Variants in TENM3 observed in about 807,000 individuals in gnomAD.
TENM3 encodes teneurin-3.
A neutral mutation model predicts 255.1 loss-of-function variants in TENM3; 63 were observed. The ratio of observed to expected loss-of-function variants is 0.25; its 90% CI spans 0.20 to 0.30. The LOEUF (loss-of-function observed/expected upper bound fraction) is 0.30, where lower values mean the gene tolerates loss of function less well. TENM3 is among the 10% of genes least tolerant of loss of function. The probability of loss-of-function intolerance (pLI) is 1.00; values close to 1 mark genes in which losing one functional copy is unlikely to be tolerated. For synonymous variants in TENM3, 1,306 were observed against 1,322.3 expected (o/e 0.99, Z 0.27); for missense variants, 2,929 against 3,461.1 (o/e 0.85, Z 3.86).
chr4:181,764,698 C>CT, the TENM3 span, among the ~76,000 whole-genome samples: 1 of 151,994 alleles, frequency 6.6e-6, no homozygotes, highest in Non-Finnish European at 1.5e-5. Context: ...TTGTTGTTTG[C>CT]TTTTTTTGTT....
chr4:182,314,528 C>T (rs1001940210), intron 1 of TENM3, among the ~76,000 whole-genome samples: 1 of 152,208 alleles, frequency 6.6e-6, no homozygotes, highest in African/African-American at 2.4e-5. Flanking sequence ...CTGGTCTTGT[C>T]TTGCTTTTTC....
chr4:182,763,439 T>C (rs891275918), intron 22 of TENM3, among the ~76,000 whole-genome samples: 8 of 151,742 alleles, frequency 5.3e-5, no homozygotes, highest in African/African-American at 1.7e-4. Context: ...GTGGCGGGCA[T>C]CTGTAGTCCC....
At chr4:182,463,715 C>T (rs1732298870) in intron 3 of TENM3, among the ~76,000 whole-genome samples, 1 of 151,948 alleles carries the variant, frequency 6.6e-6, no homozygotes. Context: ...CCTCGGCCTC[C>T]TGGGTTCAAG....
the TENM3 span, among the ~76,000 whole-genome samples, chr4:181,556,050 T>C: frequency 7.2e-3 from 1,095 of 152,370 alleles, 7 homozygotes; most frequent in African/African-American, 0.025. Context: ...ATGTGTTTAC[T>C]ATTACCTTAG....
the TENM3 span, among the ~76,000 whole-genome samples, chr4:181,782,544 A>C: frequency 6.6e-6 from 1 of 151,840 alleles, no homozygotes; most frequent in African/African-American, 2.4e-5. Flanking sequence ...CAGTCTATCA[A>C]TTGTGTTGAT....
chr4:182,100,839 ACT>A, the TENM3 span, among the ~76,000 whole-genome samples: 14 of 10,896 alleles, frequency 1.3e-3, 4 homozygotes, highest in South Asian at 4.7e-3. Context: ...ATATATATAT[ACT>A]CATATATATA....
At chr4:181,469,337 TATA>T in the TENM3 span, among the ~76,000 whole-genome samples, 1 of 152,200 alleles carries the variant, frequency 6.6e-6, no homozygotes, top group Non-Finnish European at 1.5e-5. Context: ...CCTCCATATA[TATA>T]ATATGAATTG....
At chr4:181,888,618 G>GTGGA in the TENM3 span, among the ~76,000 whole-genome samples, 69 of 111,794 alleles carry the variant, frequency 6.2e-4, 3 homozygotes, top group East Asian at 8.4e-3. Context: ...GTGTGTGTGT[G>GTGGA]GAAAGAGAGA....
At chr4:181,678,712 T>C in the TENM3 span, among the ~76,000 whole-genome samples, 2 of 151,714 alleles carry the variant, frequency 1.3e-5, no homozygotes, top group Admixed American at 1.3e-4. Flanking sequence ...TAGGTTGTTC[T>C]ATATATATAT....
rs1454923669 is a variant in TENM3, at chr4:182,720,811, A to G, written c.2368+6578A>G. Among the ~76,000 whole-genome samples, 3 of 131,904 alleles carry G rather than the reference A, an allele frequency of 2.3e-5. 1 individual carries two copies. The highest frequency in any genetic ancestry group is 0.012 in the Middle Eastern group (2 of 168). The allele number at this position is 131,904 out of a possible 152,430, so 86.5% of individuals were successfully genotyped here. On this transcript the variant is annotated intron_variant, in intron 13 of 27. Transcript: ENST00000511685. The stretch of plus-strand genomic sequence containing the variant: ...AGACAGAGTCTTGCTCTTGTTGCCC[A>G]GGCTGGAGTGCAATAGCATAGTCTT...
At chr4:181,828,182 C>T in the TENM3 span, among the ~76,000 whole-genome samples, 1 of 152,170 alleles carries the variant, frequency 6.6e-6, no homozygotes, top group Non-Finnish European at 1.5e-5. Flanking sequence ...AGCCAAGCTG[C>T]CCCTGCCACG....
Position 182,673,071 on chromosome 4 carries a change from G to A in TENM3, c.1178G>A (p.Arg393Lys). The A allele has an allele frequency of 6.2e-7, 1 of 1,611,412 alleles. No individual in the cohort carries two copies. Among genetic ancestry groups the A allele is most frequent in the South Asian group, 1.1e-5 (1 of 90,504 alleles). ...IDSGELDIGR[R>K]AIQEIPPGIF... ...TCCGGAGAACTTGATATTGGCCGAA[G>A]AGCAATTCAAGAGATTCCTCCCGGG... The change falls in exon 7 of 28, where the codon AGA (arginine) becomes AAA (lysine). Residue 393 changes from arginine (R) to lysine (K), a missense_variant. Physicochemically the swap from Arg to Lys is conservative, Grantham distance 26. This residue lies in a region of TENM3 where 1,608 missense variants were observed against 1,884.4 expected (regional missense o/e 0.85). Coordinates refer to ENST00000511685, the MANE Select transcript of TENM3 (RefSeq NM_001080477.4).
the TENM3 span, among the ~76,000 whole-genome samples, chr4:182,026,575 T>G: frequency 1.5e-3 from 229 of 152,300 alleles, 2 homozygotes; most frequent in Admixed American, 0.013. Flanking sequence ...TGTTTTCCTG[T>G]AGTAGTTTCA....
chr4:181,915,270 T>C, the TENM3 span, among the ~76,000 whole-genome samples: 1 of 152,188 alleles, frequency 6.6e-6, no homozygotes, highest in Non-Finnish European at 1.5e-5. Context: ...GCTACTGTTA[T>C]GTTTTAGAGT....
At chr4:182,678,020 A>G (rs1015457834) in intron 7 of TENM3, among the ~76,000 whole-genome samples, 3 of 152,016 alleles carry the variant, frequency 2.0e-5, no homozygotes, top group African/African-American at 4.8e-5. Context: ...TATGATTTAT[A>G]TATGCAGTAG....
intron 3 of TENM3, among the ~76,000 whole-genome samples, chr4:182,460,696 A>C (rs2151387061): frequency 6.6e-6 from 1 of 152,318 alleles, no homozygotes; most frequent in South Asian, 2.1e-4. Flanking sequence ...ACTTCTCATA[A>C]ATGTAAGAGC....
the TENM3 span, among the ~76,000 whole-genome samples, chr4:182,055,418 TCTCA>T: frequency 6.6e-6 from 1 of 152,138 alleles, no homozygotes; most frequent in East Asian, 1.9e-4. Flanking sequence ...TTGTGATATG[TCTCA>T]CTCACGCTCT....
intron 13 of TENM3, among the ~76,000 whole-genome samples, chr4:182,725,636 CTTTTTTTTT>C (rs5864795): frequency 7.5e-6 from 1 of 133,672 alleles, no homozygotes; most frequent in Non-Finnish European, 1.5e-5. Context: ...TCTTTTTTTT[CTTTTTTTTT>C]TTTTCTTTGA....
chr4:181,542,452 T>C, the TENM3 span, among the ~76,000 whole-genome samples: 1 of 152,172 alleles, frequency 6.6e-6, no homozygotes, highest in Non-Finnish European at 1.5e-5. Context: ...GAAGGAATAA[T>C]GGCAACTCTG....
Sources: allele counts gnomAD v4.1 joint callset (sites outside exome capture counted in the v4.1 genomes callset), GRCh38; gene constraint gnomAD v4.1.1; regional missense constraint gnomAD v4.1.1; transcripts MANE v1.5; gene names NCBI Gene and HGNC (gene_info 2026-07-23, HGNC 2026-07-21).